Variants in DNAH8 observed in about 807,000 individuals in gnomAD.
DNAH8 encodes the protein dynein axonemal heavy chain 8.
DNAH8 carries 382 observed loss-of-function variants against 562.1 expected under a neutral mutation model. The observed-to-expected ratio is 0.68, with a 90% CI of 0.63 to 0.74. The LOEUF is 0.74. Among genes scored for constraint, DNAH8 ranks in the 30% least tolerant of loss-of-function variants. The probability of loss-of-function intolerance (pLI) is 0.00; values close to 1 mark genes in which losing one functional copy is unlikely to be tolerated. For missense variants in DNAH8, 5,203 were observed against 5,620.4 expected, an observed-to-expected ratio of 0.93 and a Z score of 2.37; for synonymous variants, 1,881 against 1,919.4, an observed-to-expected ratio of 0.98 and a Z score of 0.52.
At position 38,920,685 on chromosome 6, in the gene DNAH8, C is replaced by A. The variant is rs58676305; in HGVS notation, c.10525-684C>A. Among the ~76,000 whole-genome samples, 990 of 152,036 alleles carry A rather than the reference C, an allele frequency of 6.5e-3. 14 individuals are homozygous for A. The highest frequency in any genetic ancestry group is 0.023 in the African/African-American group (933 of 41,462). On this transcript the variant is annotated intron_variant, in intron 70 of 92. Transcript: ENST00000327475. ...AAGGTTAATTATGATACATCCAACA[C>A]GTAGAATATCATGCAGTCACATAAC...
chr6:38,853,165 A>G (rs1775897056), intron 40 of DNAH8, 21 bp from the exon 41 acceptor site: 2 of 1,579,714 alleles, frequency 1.3e-6, no homozygotes, highest in Admixed American at 1.9e-5. Context: ...AATTTATAAT[A>G]TCCTTGTAAT....
At chr6:38,818,846 G>C (rs1374465047) in intron 26 of DNAH8, among the ~76,000 whole-genome samples, 4 of 152,214 alleles carry the variant, frequency 2.6e-5, no homozygotes, top group Non-Finnish European at 5.9e-5. Flanking sequence ...TACACTCATT[G>C]CTCTGGGTCA....
chr6:38,937,910 A>T, intron 77 of DNAH8, 64 bp from the exon 78 acceptor site: 5 of 1,514,958 alleles, frequency 3.3e-6, no homozygotes, highest in South Asian at 1.2e-5. Context: ...TTTTCAGAAG[A>T]GATGTATCTT....
intron 87 of DNAH8, 24 bp from the exon 88 acceptor site, chr6:38,989,988 T>C (rs373592281): frequency 6.9e-6 from 10 of 1,447,786 alleles, no homozygotes; most frequent in Non-Finnish European, 8.5e-6. Context: ...CAATTTTATT[T>C]CTTTTGTTTT....
chr6:38,800,768 C>G (rs72849984), intron 21 of DNAH8, among the ~76,000 whole-genome samples: 18,324 of 152,204 alleles, frequency 0.12, 1,375 homozygotes, highest in Admixed American at 0.22. Context: ...CTGCCTCCCC[C>G]TCAAGTGCCT....
chr6:38,790,455 A>T, intron 20 of DNAH8, 50 bp downstream of exon 20: 4 of 862,926 alleles, frequency 4.6e-6, no homozygotes, highest in Non-Finnish European at 5.6e-6. Context: ...TCAGGATATA[A>T]GTAATAGTTT....
chr6:38,886,853 T>A lies in DNAH8; in HGVS notation c.8322T>A (p.Pro2774=). The change falls in exon 57 of 93, where the codon CCT becomes CCA. Residue 2774 remains proline (P), a synonymous_variant. Coordinates refer to ENST00000327475, the MANE Select transcript of DNAH8 (RefSeq NM_001206927.2). ...AAGGAATGTACAGCTTGGACAAGCCTGGAGACTTCACTACTATTGTTGATG... is the reference window on the plus strand; with the variant it reads ...AAGGAATGTACAGCTTGGACAAGCCAGGAGACTTCACTACTATTGTTGATG... ...EMEGMYSLDK[P]GDFTTIVDVQ... 2.5e-6 allele frequency: 4 copies of A among 1,614,134 alleles called. No individual in the cohort carries two copies. The highest frequency in any genetic ancestry group is 3.4e-6 in the Non-Finnish European group (4 of 1,179,978).
chr6:38,972,130 A>G (rs1193527224), intron 83 of DNAH8: 1 of 152,510 alleles, frequency 6.6e-6, no homozygotes, highest in Non-Finnish European at 1.5e-5. Flanking sequence ...AATAATTGCA[A>G]GCTGAATGGA....
At position 38,861,949 on chromosome 6, in the gene DNAH8, G is replaced by T. The variant is rs928437611; in HGVS notation, c.6132-331G>T. ...AGATATTGGCAAACATGAAAACCAG[G>T]TTTTTTTTTTTTTTTTCTGGAGAGC... On this transcript the variant is annotated intron_variant, in intron 43 of 92. Coordinates refer to ENST00000327475, the MANE Select transcript of DNAH8 (RefSeq NM_001206927.2). Among the ~76,000 whole-genome samples, 182 of 134,682 alleles carry T rather than the reference G, an allele frequency of 1.4e-3. 1 individual carries two copies. Among genetic ancestry groups the T allele is most frequent in the African/African-American group, 4.6e-3 (168 of 36,736 alleles). The allele number at this position is 134,682 out of a possible 152,430, so 88.4% of individuals were successfully genotyped here. A position where few individuals can be genotyped will look rare whatever the true frequency, so the allele number is the denominator to read the frequency against.
intron 82 of DNAH8, among the ~76,000 whole-genome samples, chr6:38,955,510 A>T (rs1762184576): frequency 6.6e-6 from 1 of 152,044 alleles, no homozygotes; most frequent in Non-Finnish European, 1.5e-5. Flanking sequence ...GGGCACTTGT[A>T]ATCCCAGTTA....
chr6:38,883,743 A>C, intron 55 of DNAH8, 133 bp from the exon 56 acceptor site: 1 of 720,074 alleles, frequency 1.4e-6, no homozygotes, highest in Non-Finnish European at 2.0e-6. Flanking sequence ...TTAACAACAT[A>C]TATTTTAATA....
Position 38,842,343 on chromosome 6 carries a change from ATAACT to A in DNAH8, c.4467-22_4467-18del. On this transcript the variant is annotated intron_variant, in intron 33 of 92. Transcript: ENST00000327475. ...TTTATTAAATATTATACATGATGTG[ATAACT>A]TAGTTACTTTGTTTCCCAGAAAAGA... is the stretch of plus-strand genomic sequence containing the variant. 1 of 1,576,692 alleles carries A rather than the reference ATAACT, an allele frequency of 6.3e-7. No homozygotes were observed. Among genetic ancestry groups the A allele is most frequent in the Non-Finnish European group, 8.6e-7 (1 of 1,160,410 alleles).
In DNAH8 at chr6:38,839,497, G is replaced by C. The variant is rs543903946; in HGVS notation, c.4466+1455G>C. On this transcript the variant is annotated intron_variant, in intron 33 of 92. Coordinates refer to ENST00000327475, the MANE Select transcript of DNAH8 (RefSeq NM_001206927.2). The stretch of plus-strand genomic sequence containing the variant: ...GCCTCCCAGGTAGTGGGGATTATAG[G>C]TGCATACCACTGGGCCCAGGTAATT... 5.9e-5 allele frequency among the ~76,000 whole-genome samples: 9 copies of C among 151,920 alleles called. No individual in the cohort carries two copies. The East Asian group carries it at 1.7e-3, about 29-fold the overall frequency.
chr6:38,919,244 A>G (rs1302185262), intron 70 of DNAH8, among the ~76,000 whole-genome samples: 1 of 152,210 alleles, frequency 6.6e-6, no homozygotes, highest in East Asian at 1.9e-4. Context: ...TTTTCAGTGG[A>G]AATTAACAAA....
chr6:39,000,290 C>G (rs1468552292), intron 88 of DNAH8, among the ~76,000 whole-genome samples: 2 of 152,148 alleles, frequency 1.3e-5, no homozygotes, highest in African/African-American at 2.4e-5. Context: ...GCTATGATAA[C>G]ACAGGTGGAG....
intron 28 of DNAH8, among the ~76,000 whole-genome samples, chr6:38,825,551 T>G (rs544408806): frequency 6.6e-6 from 1 of 152,098 alleles, no homozygotes; most frequent in Non-Finnish European, 1.5e-5. Flanking sequence ...CGTTTCTTCT[T>G]CCCTCTGTGC....
intron 22 of DNAH8, among the ~76,000 whole-genome samples, chr6:38,803,664 T>C (rs1432411704): frequency 1.3e-5 from 1 of 78,124 alleles, no homozygotes; most frequent in African/African-American, 4.0e-5. Context: ...TTTATTTTAC[T>C]TTTTTTTTTT....
chr6:38,842,768 C>T lies in DNAH8; in HGVS notation c.4710C>T (p.Thr1570=), dbSNP rs1303720746. 1 of 1,613,672 alleles carries T rather than the reference C, an allele frequency of 6.2e-7. No individual in the cohort carries two copies. Among genetic ancestry groups the T allele is most frequent in the Non-Finnish European group, 8.5e-7 (1 of 1,179,890 alleles). The change falls in exon 35 of 93, where the codon ACC becomes ACT. Residue 1570 remains threonine (T), a synonymous_variant. Coordinates refer to ENST00000327475, the MANE Select transcript of DNAH8 (RefSeq NM_001206927.2). ...CATGTCCTCTACTGGAAATGATGAC[C>T]AATAAGGCCATGAAACAGAGACACT... ...SESCPLLEMM[T]NKAMKQRHWD... is the part of the protein sequence containing the mutation.
intron 26 of DNAH8, among the ~76,000 whole-genome samples, chr6:38,818,826 G>A (rs1404453505): frequency 1.3e-5 from 2 of 152,170 alleles, no homozygotes; most frequent in Non-Finnish European, 2.9e-5. Context: ...TGCTGATGAA[G>A]TTGTTGCTCT....
Sources: allele counts gnomAD v4.1 joint callset (sites outside exome capture counted in the v4.1 genomes callset), GRCh38; gene constraint gnomAD v4.1.1; transcripts MANE v1.5; gene names NCBI Gene and HGNC (gene_info 2026-07-23, HGNC 2026-07-21).